E2F7: variants seen among roughly 807,000 people sequenced by gnomAD.
E2F7 encodes transcription factor E2F7.
A neutral mutation model predicts 81.1 loss-of-function variants in E2F7; 35 were observed. That is an observed-to-expected ratio of 0.43 (90% CI 0.33 to 0.57). The LOEUF (loss-of-function observed/expected upper bound fraction) is 0.57. Among genes scored for constraint, E2F7 ranks in the 20% least tolerant of loss-of-function variants. The probability of loss-of-function intolerance (pLI) is 0.04; values close to 1 mark genes in which losing one functional copy is unlikely to be tolerated. For missense variants in E2F7, 961 were observed against 1,093.7 expected (o/e 0.88, Z 1.71); for synonymous variants, 416 against 416.2 (o/e 1.00, Z 0.01).
At chr12:77,047,970 G>A (rs983712552) in intron 4 of E2F7, among the ~76,000 whole-genome samples, 6 of 152,138 alleles carry the variant, frequency 3.9e-5, no homozygotes, top group South Asian at 2.1e-4. Context: ...CCATATGCCC[G>A]GCTGTTTTGT....
At chr12:77,024,612 T>C (rs1954743624) in intron 12 of E2F7, among the ~76,000 whole-genome samples, 1 of 152,246 alleles carries the variant, frequency 6.6e-6, no homozygotes, top group African/African-American at 2.4e-5. Flanking sequence ...TCTTTCTCTT[T>C]ACTTGCTAAT....
In E2F7 at chr12:77,030,016, A is replaced by T. The variant is rs771881573; in HGVS notation, c.1699T>A (p.Ser567Thr). 9.9e-6 allele frequency: 16 copies of T among 1,614,156 alleles called. No individual in the cohort carries two copies. In the South Asian group the frequency reaches 1.8e-4, roughly 18 times the overall value. Residue 567 changes from serine (S) to threonine (T), a missense_variant, in exon 10 of 13, where the codon TCA (serine) becomes ACA (threonine). Physicochemically the swap from Ser to Thr is moderately conservative, Grantham distance 58. This residue lies in a region of E2F7 where 587 missense variants were observed against 620.3 expected (regional missense o/e 0.95). Coordinates refer to ENST00000322886, the MANE Select transcript of E2F7 (RefSeq NM_203394.3). ...TCATCCCTCTCTGACCCTGACCCTG[A>T]CGCTGGTCCCTCCTGCAGACTTCCA... ...LYGSLQEGPA[S>T]GSGSERDDRS...
At chr12:77,025,057 T>G (rs1425646250) in intron 12 of E2F7, among the ~76,000 whole-genome samples, 1 of 152,154 alleles carries the variant, frequency 6.6e-6, no homozygotes, top group Non-Finnish European at 1.5e-5. Context: ...CATCTATGTA[T>G]TATAGATGTA....
At position 77,025,760 on chromosome 12, in the gene E2F7, A is replaced by G. The variant is rs764615957; in HGVS notation, c.2363T>C (p.Leu788Pro). 1 of 1,614,166 alleles carries G rather than the reference A, an allele frequency of 6.2e-7. No individual in the cohort carries two copies. The highest frequency in any genetic ancestry group is 1.7e-5 in the Admixed American group (1 of 60,018). The change falls in exon 12 of 13, where the codon CTT becomes CCT. Residue 788 changes from leucine to proline, a missense_variant. Leu to Pro is a moderately conservative substitution (Grantham distance 98). Coordinates refer to ENST00000322886, the MANE Select transcript of E2F7 (RefSeq NM_203394.3). ...TGPVNFSLPG[L>P]GSIAQLLVGP... Reference sequence around the variant, plus strand: ...GACGAGAAGCTGGGCTATTGATCCAAGGCCAGGCAAGCTGAAATTCACAGG... The same window carrying G: ...GACGAGAAGCTGGGCTATTGATCCAGGGCCAGGCAAGCTGAAATTCACAGG...
At chr12:77,046,436 T>C (rs903508293) in intron 4 of E2F7, 108 bp from the exon 5 acceptor site, 101 of 1,192,280 alleles carry the variant, frequency 8.5e-5, no homozygotes, top group Non-Finnish European at 1.1e-4. Context: ...TGATCCCCAA[T>C]ATAATGCCCA....
chr12:77,030,469 C>T (rs984516899), intron 9 of E2F7, 137 bp from the exon 10 acceptor site: 19 of 1,085,760 alleles, frequency 1.7e-5, no homozygotes, highest in African/African-American at 1.1e-4. Flanking sequence ...TTGCTGAGCA[C>T]GTGTTAGCTC....
At chr12:77,060,873 C>T (rs1955072670) in intron 2 of E2F7, among the ~76,000 whole-genome samples, 1 of 152,188 alleles carries the variant, frequency 6.6e-6, no homozygotes, top group Non-Finnish European at 1.5e-5. Flanking sequence ...CTGTTCTGAT[C>T]CACTGCTCTT....
At position 77,025,784 on chromosome 12, in the gene E2F7, G is replaced by A. The variant is rs780127387; in HGVS notation, c.2339C>T (p.Pro780Leu). The A allele has an allele frequency of 3.1e-6, 5 of 1,613,982 alleles. No individual in the cohort carries two copies. In the Admixed American group the frequency reaches 8.3e-5, roughly 27 times the overall value. The change falls in exon 12 of 13, where the codon CCT becomes CTT. Residue 780 changes from proline to leucine, a missense_variant. Pro to Leu is a moderately conservative substitution (Grantham distance 98, BLOSUM62 -3). This residue lies in a region of E2F7 where 587 missense variants were observed against 620.3 expected (regional missense o/e 0.95). Transcript: ENST00000322886. ...AAGGCCAGGCAAGCTGAAATTCACAGGTCCTGTGTTTGGGAGAGCACCAAG... is the reference window on the plus strand; with the variant it reads ...AAGGCCAGGCAAGCTGAAATTCACAAGTCCTGTGTTTGGGAGAGCACCAAG... ...STLGALPNTG[P>L]VNFSLPGLGS...
At position 77,030,324 on chromosome 12, in the gene E2F7, G is replaced by C. The variant is rs927899784; in HGVS notation, c.1391C>G (p.Ala464Gly). Residue 464 changes from alanine to glycine, a missense_variant, in exon 10 of 13, where the codon GCC (alanine) becomes GGC (glycine). Ala to Gly is a moderately conservative substitution (Grantham distance 60). This residue lies in a region of E2F7 where 587 missense variants were observed against 620.3 expected (regional missense o/e 0.95). Transcript: ENST00000322886. ...QKIEDNSQGKAFASKRVVPPS... is the reference protein window; with the variant it reads ...QKIEDNSQGKGFASKRVVPPS... ...AGGCACCACTCTCTTACTGGCAAAG[G>C]CTTTTCCCCTATAATAAAAAAGAAA... The C allele has an allele frequency of 2.6e-6, 4 of 1,534,036 alleles. No homozygotes were observed. The highest frequency in any genetic ancestry group is 1.8e-6 in the Non-Finnish European group (2 of 1,141,916).
intron 5 of E2F7, 87 bp downstream of exon 5, chr12:77,045,951 G>C: frequency 6.7e-7 from 1 of 1,503,646 alleles, no homozygotes; most frequent in Non-Finnish European, 9.0e-7. Flanking sequence ...TGTCAACCTG[G>C]CACTTCCCAT....
At chr12:77,031,790 C>T (rs533977392) in intron 9 of E2F7, among the ~76,000 whole-genome samples, 11 of 152,284 alleles carry the variant, frequency 7.2e-5, no homozygotes, top group East Asian at 3.9e-4. Context: ...CTGCCTACTG[C>T]GCTGCTGAGA....
chr12:77,059,894 C>G lies in E2F7; in HGVS notation c.94-3764G>C, dbSNP rs566693221. On this transcript the variant is annotated intron_variant, in intron 2 of 12. Coordinates refer to ENST00000322886, the MANE Select transcript of E2F7 (RefSeq NM_203394.3). ...AGGAGAATAGCGTGAACCCAGGAGG[C>G]AGAGCTTGCAGTGAGCTGAGATCAT... Among the ~76,000 whole-genome samples, 3 of 144,822 alleles carry G rather than the reference C, an allele frequency of 2.1e-5. No individual in the cohort carries two copies. The East Asian group carries it at 6.4e-4, about 31-fold the overall frequency.
rs200212431 is a variant in E2F7, at chr12:77,043,027, A to G, written c.1123+38T>C. The G allele has an allele frequency of 3.7e-6, 6 of 1,613,396 alleles. No homozygotes were observed. In the Admixed American group the frequency reaches 1.0e-4, roughly 27 times the overall value. On this transcript the variant is annotated intron_variant, in intron 7 of 12. Transcript: ENST00000322886. ...ACTTGGAAAAGGAACTGAGAATTCT[A>G]AATAAAACAGCCTGCTAGCAAAACC...
At chr12:77,024,316 C>T in intron 12 of E2F7, 131 bp from the exon 13 acceptor site, 1 of 953,310 alleles carries the variant, frequency 1.0e-6, no homozygotes, top group African/African-American at 1.7e-5. Context: ...GCTTTCTTAT[C>T]ACACTTACCC....
Position 77,030,011 on chromosome 12 carries a change from C to A in E2F7, c.1704G>T (p.Gly568=). ...TTCTGTCATCCCTCTCTGACCCTGACCCTGACGCTGGTCCCTCCTGCAGAC... is the reference window on the plus strand; with the variant it reads ...TTCTGTCATCCCTCTCTGACCCTGAACCTGACGCTGGTCCCTCCTGCAGAC... The part of the protein sequence containing the change: ...YGSLQEGPAS[G]SGSERDDRSS... Residue 568 remains glycine (G), a synonymous_variant, in exon 10 of 13, where the codon GGG becomes GGT. Transcript: ENST00000322886. 6.2e-7 allele frequency: 1 copy of A among 1,614,204 alleles called. No individual in the cohort carries two copies. Among genetic ancestry groups the A allele is most frequent in the Non-Finnish European group, 8.5e-7 (1 of 1,180,046 alleles).
intron 3 of E2F7, 23 bp downstream of exon 3, chr12:77,055,832 C>T: frequency 6.5e-6 from 10 of 1,537,674 alleles, no homozygotes; most frequent in South Asian, 2.6e-5. Context: ...CTAAAAAATC[C>T]CTGAGGAGCA....
At chr12:77,060,576 C>T (rs1405675947) in intron 2 of E2F7, among the ~76,000 whole-genome samples, 1 of 151,818 alleles carries the variant, frequency 6.6e-6, no homozygotes, top group Non-Finnish European at 1.5e-5. Flanking sequence ...CCCTCTCATG[C>T]ACATCCCACA....
chr12:77,048,196 C>A (rs901327536), intron 4 of E2F7, among the ~76,000 whole-genome samples: 5 of 152,180 alleles, frequency 3.3e-5, no homozygotes, highest in Non-Finnish European at 5.9e-5. Context: ...GTTTACCCAT[C>A]CACTGGCTGG....
Position 77,030,029 on chromosome 12 carries a change from C to T in E2F7, c.1686G>A (p.Gln562=), listed in dbSNP as rs761297583. ...ACCCTGACCCTGACGCTGGTCCCTC[C>T]TGCAGACTTCCATACAGCATGAACA... ...ASLFMLYGSL[Q]EGPASGSGSE... Residue 562 remains glutamine (Q), a synonymous_variant, in exon 10 of 13, where the codon CAG becomes CAA. Coordinates refer to ENST00000322886, the MANE Select transcript of E2F7 (RefSeq NM_203394.3). 2 of 1,614,196 alleles carry T rather than the reference C, an allele frequency of 1.2e-6. No homozygotes were observed. The highest frequency in any genetic ancestry group is 1.7e-6 in the Non-Finnish European group (2 of 1,180,028).
Sources: allele counts gnomAD v4.1 joint callset (sites outside exome capture counted in the v4.1 genomes callset), GRCh38; gene constraint gnomAD v4.1.1; regional missense constraint gnomAD v4.1.1; transcripts MANE v1.5; gene names NCBI Gene and HGNC (gene_info 2026-07-23, HGNC 2026-07-21).